Variants in AGBL4 observed in about 807,000 individuals in gnomAD.
AGBL4 encodes cytosolic carboxypeptidase 6.
Under a neutral mutation model 66.4 loss-of-function variants are expected in AGBL4, and 58 were observed. The ratio of observed to expected loss-of-function variants is 0.87; its 90% CI spans 0.71 to 1.09. The LOEUF (loss-of-function observed/expected upper bound fraction) is 1.09, where lower values mean the gene tolerates loss of function less well. AGBL4 is among the 50% of genes least tolerant of loss of function. The pLI is 0.00. For synonymous variants in AGBL4, 234 were observed against 222.9 expected, an observed-to-expected ratio of 1.05 and a Z score of -0.44; for missense variants, 579 against 631.0, an observed-to-expected ratio of 0.92 and a Z score of 0.88.
chr1:49,463,357 T>A (rs750891939), intron 3 of AGBL4, among the ~76,000 whole-genome samples: 6 of 151,688 alleles, frequency 4.0e-5, no homozygotes, highest in Non-Finnish European at 7.4e-5. Flanking sequence ...TCAATAGTAC[T>A]CTTCCACTTA....
intron 6 of AGBL4, among the ~76,000 whole-genome samples, chr1:48,684,619 T>C (rs1228731775): frequency 6.6e-6 from 1 of 152,190 alleles, no homozygotes; most frequent in Non-Finnish European, 1.5e-5. Context: ...CAAGTGCCAC[T>C]TATGCCTAAC....
intron 3 of AGBL4, among the ~76,000 whole-genome samples, chr1:49,264,198 C>T (rs1653507572): frequency 6.6e-6 from 1 of 151,870 alleles, no homozygotes; most frequent in African/African-American, 2.4e-5. Flanking sequence ...TTATCAAAAT[C>T]AATAAAAGCA....
intron 3 of AGBL4, among the ~76,000 whole-genome samples, chr1:49,443,196 C>G (rs1646074569): frequency 6.6e-6 from 1 of 151,920 alleles, no homozygotes; most frequent in Non-Finnish European, 1.5e-5. Flanking sequence ...AGATCATTTG[C>G]AAATATTTTC....
At position 50,003,689 on chromosome 1, in the gene AGBL4, G is replaced by A. The variant is rs1572042578; in HGVS notation, c.34+20074C>T. Among the ~76,000 whole-genome samples, 3 of 152,152 alleles carry A rather than the reference G, an allele frequency of 2.0e-5. No individual in the cohort carries two copies. The South Asian group carries it at 6.2e-4, about 32-fold the overall frequency. ...AAAGAGAGAACAATAAAGGTCAGAA[G>A]GAAGGAAGAAAGGGGCCAAAGATCT... On this transcript the variant is annotated intron_variant, in intron 1 of 13. Coordinates refer to ENST00000371839, the MANE Select transcript of AGBL4 (RefSeq NM_032785.4).
chr1:48,709,898 G>A (rs192846713), intron 6 of AGBL4, among the ~76,000 whole-genome samples: 4 of 151,972 alleles, frequency 2.6e-5, no homozygotes, highest in East Asian at 3.9e-4. Flanking sequence ...CACCATGCCC[G>A]GCCTGCCAGG....
intron 2 of AGBL4, among the ~76,000 whole-genome samples, chr1:49,814,985 A>G (rs1645197041): frequency 6.6e-6 from 1 of 152,124 alleles, no homozygotes; most frequent in Non-Finnish European, 1.5e-5. Context: ...AAAATGGGGT[A>G]TTCATCCCCT....
chr1:49,685,523 T>C lies in AGBL4; in HGVS notation c.282+11790A>G, dbSNP rs1646772088. Among the ~76,000 whole-genome samples the C allele has an allele frequency of 2.0e-5, 3 of 152,204 alleles. No individual in the cohort carries two copies. The South Asian group carries it at 6.2e-4, about 31-fold the overall frequency. ...GACTAACTTACACTCTCACCAGCAG[T>C]GTATAAGCGTTCCCTTTTCTCCACA... On this transcript the variant is annotated intron_variant, in intron 3 of 13. Coordinates refer to ENST00000371839, the MANE Select transcript of AGBL4 (RefSeq NM_032785.4).
At chr1:49,870,845 A>G (rs1646820667) in intron 1 of AGBL4, among the ~76,000 whole-genome samples, 1 of 152,124 alleles carries the variant, frequency 6.6e-6, no homozygotes, top group Non-Finnish European at 1.5e-5. Context: ...AAAATAACAG[A>G]TGTTGATGAG....
chr1:49,359,992 C>G (rs959910704), intron 3 of AGBL4, among the ~76,000 whole-genome samples: 1 of 152,092 alleles, frequency 6.6e-6, no homozygotes, highest in African/African-American at 2.4e-5. Flanking sequence ...TGAGTGTCGA[C>G]GTGCACCATG....
intron 3 of AGBL4, among the ~76,000 whole-genome samples, chr1:49,359,562 C>T (rs1644094089): frequency 6.6e-6 from 1 of 152,118 alleles, no homozygotes. Flanking sequence ...GTTAGAAGTA[C>T]AGAGATTGAA....
At chr1:49,393,627 A>T (rs1644895308) in intron 3 of AGBL4, among the ~76,000 whole-genome samples, 1 of 152,180 alleles carries the variant, frequency 6.6e-6, no homozygotes, top group South Asian at 2.1e-4. Flanking sequence ...GGAAGAAACT[A>T]CTAGCCCTGG....
At chr1:48,610,887 G>A (rs964388451) in intron 9 of AGBL4, among the ~76,000 whole-genome samples, 5 of 152,266 alleles carry the variant, frequency 3.3e-5, no homozygotes, top group Non-Finnish European at 5.9e-5. Flanking sequence ...CTGGAAGAAG[G>A]GGGGCATCAA....
downstream of AGBL4, among the ~76,000 whole-genome samples, chr1:48,528,943 A>G (rs1357761891): frequency 1.3e-5 from 2 of 151,984 alleles, no homozygotes; most frequent in African/African-American, 4.8e-5. Flanking sequence ...GCCTCACATG[A>G]GGCTGGGTGA....
intron 3 of AGBL4, among the ~76,000 whole-genome samples, chr1:49,479,044 G>A (rs1362807699): frequency 1.3e-5 from 2 of 151,810 alleles, no homozygotes; most frequent in African/African-American, 2.4e-5. Flanking sequence ...CATACTCACT[G>A]AAAGGAAGAC....
chr1:49,714,848 C>G (rs554805961), intron 2 of AGBL4, among the ~76,000 whole-genome samples: 1 of 151,976 alleles, frequency 6.6e-6, no homozygotes, highest in African/African-American at 2.4e-5. Flanking sequence ...TGAGAAATCT[C>G]CATACTGTTT....
chr1:49,263,718 C>G (rs571950377), intron 3 of AGBL4, among the ~76,000 whole-genome samples: 15 of 152,054 alleles, frequency 9.9e-5, no homozygotes, highest in Non-Finnish European at 1.8e-4. Context: ...ATAGAAGAGC[C>G]TCTTTAGAGG....
chr1:49,775,762 G>T (rs531542189), intron 2 of AGBL4, among the ~76,000 whole-genome samples: 15 of 152,092 alleles, frequency 9.9e-5, no homozygotes, highest in Admixed American at 2.6e-4. Flanking sequence ...CTGAATGAAT[G>T]TGTGAACAAA....
At chr1:48,734,237 G>T (rs775943990) in intron 6 of AGBL4, among the ~76,000 whole-genome samples, 1 of 152,262 alleles carries the variant, frequency 6.6e-6, no homozygotes, top group East Asian at 1.9e-4. Flanking sequence ...AGCAGAACAA[G>T]CCCCAGACCA....
chr1:49,740,414 C>A (rs1249741846), intron 2 of AGBL4, among the ~76,000 whole-genome samples: 1 of 152,102 alleles, frequency 6.6e-6, no homozygotes, highest in East Asian at 1.9e-4. Flanking sequence ...TCCTTAGAGA[C>A]CTACAAAGAG....
Sources: allele counts gnomAD v4.1 joint callset (sites outside exome capture counted in the v4.1 genomes callset), GRCh38; gene constraint gnomAD v4.1.1; transcripts MANE v1.5; gene names NCBI Gene and HGNC (gene_info 2026-07-23, HGNC 2026-07-21).